The following SLIT3 variants were observed in gnomAD, a reference collection of about 807,000 sequenced individuals.
SLIT3 encodes the protein slit guidance ligand 3, also known as slit homolog 3 protein.
A neutral mutation model predicts 184.0 loss-of-function variants in SLIT3; 68 were observed. The observed-to-expected ratio is 0.37, with a 90% CI of 0.30 to 0.45. SLIT3 has a LOEUF of 0.45. SLIT3 is among the 20% of genes least tolerant of loss of function. The pLI, the probability that SLIT3 is intolerant of heterozygous loss-of-function variation, is 1.00. For synonymous variants in SLIT3, 831 were observed against 828.6 expected (o/e 1.00, Z -0.05); for missense variants, 1,707 against 2,026.0 (o/e 0.84, Z 3.02).
intron 4 of SLIT3, among the ~76,000 whole-genome samples, chr5:169,033,986 G>T (rs2113532342): frequency 6.6e-6 from 1 of 151,868 alleles, no homozygotes; most frequent in Non-Finnish European, 1.5e-5. Context: ...CTAATTTTTT[G>T]TATTTTTAGT....
At chr5:168,676,214 C>T (rs1761407927) in intron 32 of SLIT3, among the ~76,000 whole-genome samples, 1 of 152,096 alleles carries the variant, frequency 6.6e-6, no homozygotes, top group Non-Finnish European at 1.5e-5. Flanking sequence ...CCTTCATCCG[C>T]CCACCCACCA....
chr5:168,736,550 A>T (rs1386703024), intron 20 of SLIT3, among the ~76,000 whole-genome samples: 1 of 152,226 alleles, frequency 6.6e-6, no homozygotes, highest in Non-Finnish European at 1.5e-5. Context: ...CTCGGGCAGC[A>T]GCTTGCCTTG....
At chr5:168,753,733 C>T in intron 17 of SLIT3, 131 bp downstream of exon 17, 1 of 1,094,814 alleles carries the variant, frequency 9.1e-7, no homozygotes, top group Non-Finnish European at 1.3e-6. Flanking sequence ...ATGACTCTGA[C>T]TCCAGGAAGA....
chr5:168,846,481 C>T (rs1403645492), intron 5 of SLIT3, among the ~76,000 whole-genome samples: 1 of 152,142 alleles, frequency 6.6e-6, no homozygotes, highest in African/African-American at 2.4e-5. Flanking sequence ...AGTCCTGCTG[C>T]CCAGCTTCTA....
intron 4 of SLIT3, among the ~76,000 whole-genome samples, chr5:168,897,055 G>C (rs1203710582): frequency 6.6e-6 from 1 of 152,146 alleles, no homozygotes; most frequent in Non-Finnish European, 1.5e-5. Context: ...ACTCTCTTTG[G>C]AGAAGGAAAT....
At chr5:168,920,331 A>C (rs1349509254) in intron 4 of SLIT3, among the ~76,000 whole-genome samples, 1 of 152,088 alleles carries the variant, frequency 6.6e-6, no homozygotes, top group African/African-American at 2.4e-5. Context: ...GCCCCCATGT[A>C]CAGAGGCCCC....
intron 3 of SLIT3, among the ~76,000 whole-genome samples, chr5:169,233,176 C>T (rs948683039): frequency 2.0e-5 from 3 of 152,138 alleles, no homozygotes; most frequent in African/African-American, 7.2e-5. Context: ...CAGGTGCGCA[C>T]CACCACGCCC....
At chr5:168,798,385 G>A (rs540409323) in intron 9 of SLIT3, among the ~76,000 whole-genome samples, 1 of 151,834 alleles carries the variant, frequency 6.6e-6, no homozygotes, top group Non-Finnish European at 1.5e-5. Context: ...TACCATGCCT[G>A]GCTAATTTTT....
Position 169,189,902 on chromosome 5 carries a change from G to A in SLIT3, c.413+3577C>T, listed in dbSNP as rs1445051040. On this transcript the variant is annotated intron_variant, in intron 4 of 35. Coordinates refer to ENST00000519560, the MANE Select transcript of SLIT3 (RefSeq NM_003062.4). ...CCTGGCACTCAACGTGTTTACTAGC[G>A]CTATTATCTATCTAAAAGTGCTATT... Among the ~76,000 whole-genome samples the A allele has an allele frequency of 3.3e-5, 5 of 152,218 alleles. No homozygotes were observed. In the East Asian group the frequency reaches 7.7e-4, roughly 23 times the overall value.
intron 16 of SLIT3, among the ~76,000 whole-genome samples, chr5:168,755,703 C>T (rs542369233): frequency 2.0e-5 from 3 of 152,190 alleles, no homozygotes; most frequent in African/African-American, 7.2e-5. Flanking sequence ...CCCAAAGTGC[C>T]GGGATTACAG....
chr5:168,956,263 A>T (rs1762821527), intron 4 of SLIT3, among the ~76,000 whole-genome samples: 3 of 152,204 alleles, frequency 2.0e-5, no homozygotes, highest in Non-Finnish European at 4.4e-5. Flanking sequence ...CCAGCCCGTT[A>T]TTCTAAAGGG....
intron 6 of SLIT3, among the ~76,000 whole-genome samples, chr5:168,832,101 T>C (rs1426400868): frequency 6.6e-6 from 1 of 152,208 alleles, no homozygotes; most frequent in East Asian, 1.9e-4. Context: ...TGGAGTTTAT[T>C]TTAAAATGTA....
intron 18 of SLIT3, among the ~76,000 whole-genome samples, chr5:168,751,988 C>T (rs1370309356): frequency 2.0e-5 from 3 of 152,174 alleles, no homozygotes; most frequent in Non-Finnish European, 2.9e-5. Flanking sequence ...ATCCACCTGC[C>T]TCGGCCTCCC....
intron 4 of SLIT3, among the ~76,000 whole-genome samples, chr5:168,977,022 T>TG (rs1754787646): frequency 7.5e-6 from 1 of 132,770 alleles, no homozygotes; most frequent in Non-Finnish European, 1.6e-5. Context: ...GCTGTGAATT[T>TG]GGGGGAGGGG....
At chr5:168,697,461 A>C (rs879942954) in intron 27 of SLIT3, among the ~76,000 whole-genome samples, 13 of 152,168 alleles carry the variant, frequency 8.5e-5, no homozygotes, top group Non-Finnish European at 1.5e-5. Context: ...CATCTGATTA[A>C]ATAAATGCTG....
At chr5:169,245,265 T>C (rs926780352) in intron 2 of SLIT3, among the ~76,000 whole-genome samples, 4 of 152,066 alleles carry the variant, frequency 2.6e-5, no homozygotes, top group Admixed American at 1.3e-4. Flanking sequence ...CTCCTCTCAC[T>C]GAGACCCCAG....
At chr5:169,126,653 CAACATTA>C (rs1761091498) in intron 4 of SLIT3, among the ~76,000 whole-genome samples, 1 of 152,230 alleles carries the variant, frequency 6.6e-6, no homozygotes, top group Non-Finnish European at 1.5e-5. Context: ...CTTGACACGA[CAACATTA>C]ACCAGTGGAG....
intron 10 of SLIT3, among the ~76,000 whole-genome samples, chr5:168,794,665 T>C (rs1490881142): frequency 2.6e-5 from 4 of 152,212 alleles, no homozygotes; most frequent in African/African-American, 9.6e-5. Context: ...TCTCATTTCA[T>C]GCAGGAAGAA....
chr5:168,966,436 C>A (rs1019407320), intron 4 of SLIT3, among the ~76,000 whole-genome samples: 3 of 151,962 alleles, frequency 2.0e-5, no homozygotes, highest in African/African-American at 7.3e-5. Flanking sequence ...TGGGTCAGGG[C>A]ACCAGGAGGT....
Sources: allele counts gnomAD v4.1 joint callset (sites outside exome capture counted in the v4.1 genomes callset), GRCh38; gene constraint gnomAD v4.1.1; transcripts MANE v1.5; gene names NCBI Gene and HGNC (gene_info 2026-07-23, HGNC 2026-07-21).